The following NOL9 variants were observed in gnomAD, a reference collection of about 807,000 sequenced individuals.
NOL9 encodes the protein polynucleotide 5'-hydroxyl-kinase NOL9.
A neutral mutation model predicts 67.9 loss-of-function variants in NOL9; 28 were observed. The observed-to-expected ratio is 0.41, with a 90% CI of 0.31 to 0.57. The LOEUF is 0.57. NOL9 is among the 20% of genes least tolerant of loss of function. NOL9 has a pLI of 0.25. For missense variants in NOL9, 777 were observed against 897.0 expected (o/e 0.87, Z 1.71); for synonymous variants, 356 against 352.2 (o/e 1.01, Z -0.12).
chr1:6,535,991 G>C (rs1371368674), intron 6 of NOL9, among the ~76,000 whole-genome samples: 2 of 150,618 alleles, frequency 1.3e-5, no homozygotes, highest in African/African-American at 2.4e-5. Context: ...ATAATTAAAA[G>C]AGCATGGTCC....
In NOL9 at chr1:6,541,922, G is replaced by A. The variant is rs368962316; in HGVS notation, c.983C>T (p.Pro328Leu). 6.3e-7 allele frequency: 1 copy of A among 1,580,006 alleles called. No homozygotes were observed. The highest frequency in any genetic ancestry group is 8.6e-7 in the Non-Finnish European group (1 of 1,165,996). ...YLINHLLNSL[P>L]CVDYLECDLG... ...ATCACATTCCAAATAGTCAACGCAG[G>A]GAAGACTGCAAATTTTTAAAAAAGA... The change falls in exon 6 of 12, where the codon CCC becomes CTC. Residue 328 changes from proline to leucine, a missense_variant. Physicochemically the swap from Pro to Leu is moderately conservative, Grantham distance 98. Transcript: ENST00000377705.
intron 6 of NOL9, among the ~76,000 whole-genome samples, chr1:6,540,119 T>C (rs1387004248): frequency 2.2e-5 from 1 of 45,540 alleles, no homozygotes; most frequent in Non-Finnish European, 4.9e-5. Context: ...CCAAGGAGAG[T>C]TATTCTTTTT....
rs190865339 is a variant in NOL9, at chr1:6,528,895, T to G, written c.1825+99A>C. ...ATGAGTGGGGGTTCTCTGACCTCTG[T>G]AGCTTAGACACAGCTACAAGGTCAA... On this transcript the variant is annotated intron_variant, in intron 10 of 11. Coordinates refer to ENST00000377705, the MANE Select transcript of NOL9 (RefSeq NM_024654.5). The G allele has an allele frequency of 3.2e-4, 386 of 1,224,354 alleles. No individual in the cohort carries two copies. In the African/African-American group the frequency reaches 5.2e-3, roughly 17 times the overall value. The allele number at this position is 1,224,354 out of a possible 1,614,324, so 75.8% of individuals were successfully genotyped here.
At chr1:6,536,700 C>T (rs2148654939) in intron 6 of NOL9, among the ~76,000 whole-genome samples, 1 of 152,032 alleles carries the variant, frequency 6.6e-6, no homozygotes, top group South Asian at 2.1e-4. Flanking sequence ...CTTGGTGGTG[C>T]ATACCTGTTT....
intron 6 of NOL9, among the ~76,000 whole-genome samples, chr1:6,536,618 C>A (rs7518459): frequency 2.0e-5 from 3 of 151,818 alleles, no homozygotes; most frequent in Non-Finnish European, 4.4e-5. Flanking sequence ...ACTTGAGCTC[C>A]GGAGTTTGAG....
chr1:6,551,260 G>A (rs1311436694), intron 1 of NOL9, among the ~76,000 whole-genome samples: 3 of 151,794 alleles, frequency 2.0e-5, no homozygotes, highest in Admixed American at 1.3e-4. Flanking sequence ...GCTGTGAACC[G>A]TAATTACACC....
intron 7 of NOL9, 59 bp from the exon 8 acceptor site, chr1:6,532,819 A>T: frequency 7.0e-7 from 1 of 1,437,674 alleles, no homozygotes; most frequent in Non-Finnish European, 9.5e-7. Flanking sequence ...GCGCTCAAGA[A>T]CAGTGACATG....
Position 6,533,338 on chromosome 1 carries a change from C to A in NOL9, c.1179G>T (p.Val393=). The A allele has an allele frequency of 6.2e-7, 1 of 1,613,234 alleles. No homozygotes were observed. Among genetic ancestry groups the A allele is most frequent in the Non-Finnish European group, 8.5e-7 (1 of 1,179,542 alleles). The stretch of plus-strand genomic sequence containing the variant: ...GGGACTCTCTCTTGTAAGCGCTGAA[C>A]ACATATTTCACTATGTCAATATAAT... ...YENYIDIVKY[V]FSAYKRESPL... The change falls in exon 7 of 12, where the codon GTG becomes GTT. Residue 393 remains valine, a synonymous_variant. Coordinates refer to ENST00000377705, the MANE Select transcript of NOL9 (RefSeq NM_024654.5).
chr1:6,549,822 T>C, intron 2 of NOL9, 124 bp from the exon 3 acceptor site: 4 of 1,121,908 alleles, frequency 3.6e-6, no homozygotes, highest in Non-Finnish European at 5.0e-6. Flanking sequence ...GTTGAGAGCC[T>C]TTTTCAGGGG....
At chr1:6,543,086 G>T (rs2148658820) in intron 5 of NOL9, among the ~76,000 whole-genome samples, 1 of 151,546 alleles carries the variant, frequency 6.6e-6, no homozygotes, top group South Asian at 2.1e-4. Context: ...TAGAGACAGG[G>T]TCTCATTACG....
intron 10 of NOL9, among the ~76,000 whole-genome samples, chr1:6,527,244 C>CA (rs34234306): frequency 0.025 from 2,572 of 101,576 alleles, 78 homozygotes; most frequent in African/African-American, 0.084. Flanking sequence ...GAGACTGTCT[C>CA]AAAAAAAAAA....
intron 3 of NOL9, 50 bp from the exon 4 acceptor site, chr1:6,545,230 T>G (rs1639393856): frequency 2.6e-6 from 4 of 1,554,928 alleles, no homozygotes; most frequent in African/African-American, 2.7e-5. Context: ...TATTTTTTTC[T>G]TCAGTACTAA....
chr1:6,533,769 C>T (rs1410224101), intron 6 of NOL9, among the ~76,000 whole-genome samples: 12 of 152,174 alleles, frequency 7.9e-5, no homozygotes, highest in Admixed American at 2.6e-4. Context: ...AGACAAACAT[C>T]CCCACCCTCA....
chr1:6,542,118 G>A (rs544450890), intron 5 of NOL9, among the ~76,000 whole-genome samples, 191 bp from the exon 6 acceptor site: 9 of 151,596 alleles, frequency 5.9e-5, no homozygotes, highest in African/African-American at 2.2e-4. Flanking sequence ...TGCAGGCATG[G>A]TCACAATGTC....
At chr1:6,542,229 C>T (rs907914720) in intron 5 of NOL9, among the ~76,000 whole-genome samples, 4 of 150,654 alleles carry the variant, frequency 2.7e-5, no homozygotes, top group Non-Finnish European at 5.9e-5. Flanking sequence ...TGCACAATCT[C>T]GGCTCACTGC....
At chr1:6,550,093 G>A (rs6683334) in intron 2 of NOL9, among the ~76,000 whole-genome samples, 121,144 of 151,682 alleles carry the variant, frequency 0.8, 49,307 homozygotes, top group Non-Finnish European at 0.87. Flanking sequence ...GTGCAGTGGC[G>A]TGATCTCGGC....
chr1:6,530,446 T>C (rs996081569), intron 9 of NOL9, among the ~76,000 whole-genome samples: 3 of 152,070 alleles, frequency 2.0e-5, no homozygotes, highest in Admixed American at 2.0e-4. Context: ...AAGAGTGAAA[T>C]TCCATCTCAA....
chr1:6,548,654 A>G, intron 3 of NOL9: 1 of 279,790 alleles, frequency 3.6e-6, no homozygotes, highest in South Asian at 3.6e-5. Context: ...AATAAAAATT[A>G]AGACTCGTTA....
intron 11 of NOL9, 118 bp downstream of exon 11, chr1:6,526,578 C>A: frequency 1.8e-6 from 2 of 1,083,866 alleles, no homozygotes; most frequent in Non-Finnish European, 2.6e-6. Context: ...TCAGGATCTA[C>A]AACAAAGTAT....
Sources: gnomAD v4.1 joint callset for allele counts (sites outside exome capture counted in the v4.1 genomes callset) on GRCh38, gnomAD v4.1.1 for gene constraint, MANE v1.5 for transcripts, NCBI Gene and HGNC (gene_info 2026-07-23, HGNC 2026-07-21) for gene names.